The following CD276 variants were observed in gnomAD, a reference collection of about 807,000 sequenced individuals.
CD276 encodes CD276 antigen.
Under a neutral mutation model 50.0 loss-of-function variants are expected in CD276, and 34 were observed. The observed-to-expected ratio is 0.68, with a 90% CI of 0.52 to 0.91. CD276 has a LOEUF of 0.91. CD276 is among the 40% of genes least tolerant of loss of function. The pLI is 0.00. For synonymous variants in CD276, 275 were observed against 313.0 expected, an observed-to-expected ratio of 0.88 and a Z score of 1.28; for missense variants, 634 against 717.5, an observed-to-expected ratio of 0.88 and a Z score of 1.33.
chr15:73,712,893 C>G (rs1900964693), intron 9 of CD276, 41 bp from the exon 10 acceptor site: 2 of 1,607,748 alleles, frequency 1.2e-6, no homozygotes, highest in Non-Finnish European at 1.7e-6. Context: ...GCATCTAATG[C>G]TTTTCCCTTC....
At chr15:73,709,575 C>A in intron 7 of CD276, 73 bp from the exon 8 acceptor site, 2 of 1,486,766 alleles carry the variant, frequency 1.3e-6, no homozygotes, top group Non-Finnish European at 1.9e-6. Flanking sequence ...CCTGCACTCT[C>A]AGGTGGGAAA....
rs191310378 is a variant in CD276 at position 73,706,166 on chromosome 15, C to T, written c.1369+1694C>T. On this transcript the variant is annotated intron_variant, in intron 6 of 9. Transcript: ENST00000318443. ...TTGGGAGGCTGGGGCAAGAGAATTG[C>T]TTGAACCTGGGAGGCGGAGGTTGCA... Among the ~76,000 whole-genome samples the T allele has an allele frequency of 2.2e-4, 33 of 152,280 alleles. 2 individuals carry two copies. In the East Asian group the frequency reaches 4.8e-3, roughly 22 times the overall value.
intron 8 of CD276, 43 bp from the exon 9 acceptor site, chr15:73,711,092 C>G: frequency 6.2e-7 from 1 of 1,611,992 alleles, no homozygotes; most frequent in South Asian, 1.1e-5. Flanking sequence ...CCACCACTTC[C>G]CATGGTTCCT....
At chr15:73,694,578 T>G (rs1241204764) in intron 1 of CD276, among the ~76,000 whole-genome samples, 1 of 152,188 alleles carries the variant, frequency 6.6e-6, no homozygotes, top group Non-Finnish European at 1.5e-5. Flanking sequence ...GATACTACAG[T>G]CCCTCAGGGT....
At chr15:73,697,427 C>T (rs571548880) in intron 1 of CD276, among the ~76,000 whole-genome samples, 3 of 152,002 alleles carry the variant, frequency 2.0e-5, no homozygotes, top group Non-Finnish European at 4.4e-5. Context: ...GGCTGGGCGC[C>T]TGGAATGGAA....
chr15:73,686,354 C>T lies in CD276; in HGVS notation c.-55+1894C>T, dbSNP rs1268336799. On this transcript the variant is annotated intron_variant, in intron 1 of 9. Transcript: ENST00000318443. ...CTCAGGTGAGAAGGGGTGTTGGAATCTGAGGACCCTGTTTTCCTTCCTGTC... is the reference window on the plus strand; with the variant it reads ...CTCAGGTGAGAAGGGGTGTTGGAATTTGAGGACCCTGTTTTCCTTCCTGTC... 4.2e-6 allele frequency: 4 copies of T among 952,180 alleles called. No homozygotes were observed. In the African/African-American group the frequency reaches 7.1e-5, roughly 17 times the overall value. The allele number at this position is 952,180 out of a possible 1,614,324, so 59.0% of individuals were successfully genotyped here.
intron 6 of CD276, among the ~76,000 whole-genome samples, chr15:73,707,733 G>A (rs1900703564): frequency 1.3e-5 from 2 of 152,140 alleles, no homozygotes; most frequent in African/African-American, 4.8e-5. Context: ...TTTGTGGACT[G>A]TACAAAAACA....
chr15:73,699,111 G>C (rs1900279818), intron 1 of CD276, among the ~76,000 whole-genome samples: 1 of 152,162 alleles, frequency 6.6e-6, no homozygotes, highest in African/African-American at 2.4e-5. Flanking sequence ...ATGAAGCTCA[G>C]CTCTGACCGT....
chr15:73,698,958 G>A (rs1185364986), intron 1 of CD276, among the ~76,000 whole-genome samples: 1 of 152,146 alleles, frequency 6.6e-6, no homozygotes, highest in Non-Finnish European at 1.5e-5. Context: ...CCTAGATTAT[G>A]TGTGATTAAA....
Position 73,704,552 on chromosome 15 carries a change from G to A in CD276, c.1369+80G>A. 1 of 1,503,326 alleles carries A rather than the reference G, an allele frequency of 6.7e-7. No individual in the cohort carries two copies. The highest frequency in any genetic ancestry group is 8.9e-7 in the Non-Finnish European group (1 of 1,121,114). The allele number at this position is 1,503,326 out of a possible 1,614,324, so 93.1% of individuals were successfully genotyped here. A position where few individuals can be genotyped will look rare whatever the true frequency, so the allele number is the denominator to read the frequency against. ...GGACCCTAACGTGGAATTTCCATAG[G>A]TTTGGGTGGCCAGAAGACTTTCAAA... is the stretch of plus-strand genomic sequence containing the variant. On this transcript the variant is annotated intron_variant, in intron 6 of 9. Transcript: ENST00000318443. The surrounding 1 kb of genome is among the most constrained non-coding windows in gnomAD (Gnocchi z 4.1).
chr15:73,711,028 T>C (rs1900877550), intron 8 of CD276, 107 bp from the exon 9 acceptor site: 1 of 1,181,702 alleles, frequency 8.5e-7, no homozygotes, highest in Non-Finnish European at 1.2e-6. Flanking sequence ...CCCACTCTGC[T>C]GACTTGTCCC....
At chr15:73,699,740 C>A in intron 2 of CD276, 22 bp downstream of exon 2, 1 of 1,568,276 alleles carries the variant, frequency 6.4e-7, no homozygotes. Flanking sequence ...AGCATGGGGA[C>A]GGGAGGGGAG....
At chr15:73,701,637 C>T (rs759539928) in intron 2 of CD276, among the ~76,000 whole-genome samples, 1 of 152,062 alleles carries the variant, frequency 6.6e-6, no homozygotes, top group Non-Finnish European at 1.5e-5. Context: ...TAAATTTCAG[C>T]TTAATTGCTT....
At chr15:73,684,271 C>G (rs1251624210), upstream of CD276, 3 of 152,098 alleles carry the variant, frequency 2.0e-5, no homozygotes, top group African/African-American at 7.2e-5. Flanking sequence ...GCCGCCACCG[C>G]GGGGCCAATC....
rs1006809346 is a variant in CD276 at position 73,687,346 on chromosome 15, A to G, written c.-55+2886A>G. 2.6e-5 allele frequency among the ~76,000 whole-genome samples: 4 copies of G among 152,172 alleles called. No homozygotes were observed. The highest frequency in any genetic ancestry group is 9.7e-5 in the African/African-American group (4 of 41,440). ...GGGGAAACTGAGGCCCAGAAAGGGT[A>G]AGTCACATGCCCAAAGACACACAGC... is the stretch of plus-strand genomic sequence containing the variant. On this transcript the variant is annotated intron_variant, in intron 1 of 9. Transcript: ENST00000318443. The surrounding 1 kb of genome is among the most constrained non-coding windows in gnomAD (Gnocchi z 4.0).
chr15:73,712,899 C>T lies in CD276; in HGVS notation c.1583-35C>T, dbSNP rs776035881. ...GATCTTCTGGCATCTAATGCTTTTC[C>T]CTTCCCTTTTTTTTCTTCCCATCAT... is the stretch of plus-strand genomic sequence containing the variant. On this transcript the variant is annotated intron_variant, in intron 9 of 9. Coordinates refer to ENST00000318443, the MANE Select transcript of CD276 (RefSeq NM_001024736.2). 49 of 1,611,170 alleles carry T rather than the reference C, an allele frequency of 3.0e-5. No homozygotes were observed. In the East Asian group the frequency reaches 7.8e-4, roughly 26 times the overall value.
chr15:73,711,032 T>A, intron 8 of CD276, 103 bp from the exon 9 acceptor site: 1 of 1,238,782 alleles, frequency 8.1e-7, no homozygotes, highest in South Asian at 1.3e-5. Context: ...CTCTGCTGAC[T>A]TGTCCCGCCC....
In CD276 at chr15:73,703,854, G is replaced by A. The variant is rs765178509; in HGVS notation, c.929G>A (p.Arg310His). The change falls in exon 5 of 10, where the codon CGC becomes CAC. Residue 310 changes from arginine (R) to histidine (H), a missense_variant. Physicochemically the swap from Arg to His is conservative, Grantham distance 29. Coordinates refer to ENST00000318443, the MANE Select transcript of CD276 (RefSeq NM_001024736.2). Reference protein sequence around the residue: ...GRDQGSAYANRTALFPDLLAQ... With the variant: ...GRDQGSAYANHTALFPDLLAQ... ...GACCAGGGCAGCGCCTATGCCAACCGCACGGCCCTCTTCCCGGACCTGCTG... is the reference window on the plus strand; with the variant it reads ...GACCAGGGCAGCGCCTATGCCAACCACACGGCCCTCTTCCCGGACCTGCTG... 29 of 1,613,660 alleles carry A rather than the reference G, an allele frequency of 1.8e-5. No homozygotes were observed. The highest frequency in any genetic ancestry group is 9.9e-5 in the South Asian group (9 of 91,076).
intron 9 of CD276, chr15:73,711,887 C>T (rs1219793170): frequency 2.0e-5 from 3 of 152,324 alleles, no homozygotes; most frequent in African/African-American, 7.2e-5. Flanking sequence ...AGGCATGGTA[C>T]TTCACACCTG....
Sources: allele counts gnomAD v4.1 joint callset (sites outside exome capture counted in the v4.1 genomes callset), GRCh38; gene constraint gnomAD v4.1.1; non-coding constraint Gnocchi (gnomAD v3.1); transcripts MANE v1.5; gene names NCBI Gene and HGNC (gene_info 2026-07-23, HGNC 2026-07-21).